The following DCDC1 variants were observed in gnomAD, a reference collection of about 807,000 sequenced individuals.
DCDC1 encodes the protein doublecortin domain-containing protein 1.
DCDC1 carries 200 observed loss-of-function variants against 178.3 expected under a neutral mutation model. The observed-to-expected ratio is 1.12, with a 90% CI of 1.00 to 1.26. DCDC1 has a LOEUF of 1.26. DCDC1 is among the 50% of genes most tolerant of loss of function. The pLI is 0.00. For synonymous variants in DCDC1, 690 were observed against 604.8 expected (o/e 1.14, Z -2.07); for missense variants, 1,983 against 1,749.2 (o/e 1.13, Z -2.38).
intron 3 of DCDC1, among the ~76,000 whole-genome samples, chr11:31,312,228 C>A (rs1183020956): frequency 1.3e-5 from 2 of 152,110 alleles, no homozygotes; most frequent in African/African-American, 2.4e-5. Context: ...ATGATAGTAA[C>A]AATACTAATA....
chr11:31,166,964 C>T (rs1379311077), intron 9 of DCDC1, among the ~76,000 whole-genome samples: 1 of 152,112 alleles, frequency 6.6e-6, no homozygotes, highest in African/African-American at 2.4e-5. Context: ...ATCCTTGGTA[C>T]CCCGAACTAA....
intron 7 of DCDC1, among the ~76,000 whole-genome samples, chr11:31,282,376 T>C (rs1050086295): frequency 7.3e-5 from 11 of 151,702 alleles, no homozygotes; most frequent in African/African-American, 2.7e-4. Context: ...GGGAGTTTAA[T>C]GTCTATCAAA....
intron 8 of DCDC1, among the ~76,000 whole-genome samples, chr11:31,259,037 T>G (rs759966428): frequency 6.6e-6 from 1 of 152,028 alleles, no homozygotes; most frequent in Non-Finnish European, 1.5e-5. Context: ...TGCCAGATGT[T>G]GCAAGAATGA....
intron 9 of DCDC1, among the ~76,000 whole-genome samples, chr11:31,221,656 C>T (rs143904702): frequency 0.013 from 1,919 of 152,264 alleles, 33 homozygotes; most frequent in Non-Finnish European, 0.017. Context: ...GCTGGCATAA[C>T]CCCATCTCCA....
intron 1 of DCDC1, among the ~76,000 whole-genome samples, chr11:31,347,970 T>G (rs1238743475): frequency 6.6e-6 from 1 of 152,182 alleles, no homozygotes; most frequent in Non-Finnish European, 1.5e-5. Flanking sequence ...TGTTTTTCCT[T>G]TCTATCAAAT....
intron 8 of DCDC1, among the ~76,000 whole-genome samples, chr11:31,248,346 C>T (rs1943728840): frequency 6.6e-6 from 1 of 151,952 alleles, no homozygotes; most frequent in African/African-American, 2.4e-5. Context: ...GGAATAAGAT[C>T]AATTACACAA....
intron 8 of DCDC1, among the ~76,000 whole-genome samples, chr11:31,256,152 T>TG (rs772646999): frequency 2.0e-5 from 3 of 152,354 alleles, no homozygotes; most frequent in Non-Finnish European, 2.9e-5. Flanking sequence ...GGTTTATTTC[T>TG]GGACTCTGAA....
intron 24 of DCDC1, 30 bp from the exon 25 acceptor site, chr11:30,920,965 A>G (rs761612190): frequency 2.5e-6 from 4 of 1,585,936 alleles, no homozygotes; most frequent in South Asian, 2.3e-5. Context: ...TTGCAAAGAC[A>G]TATTACTTAC....
At chr11:31,280,332 A>G (rs955145581) in intron 7 of DCDC1, among the ~76,000 whole-genome samples, 1 of 152,212 alleles carries the variant, frequency 6.6e-6, no homozygotes. Context: ...AACCAGTTAC[A>G]TACATCTAAA....
intron 20 of DCDC1, among the ~76,000 whole-genome samples, chr11:30,994,874 T>C (rs1565164131): frequency 6.7e-6 from 1 of 150,366 alleles, no homozygotes; most frequent in Non-Finnish European, 1.5e-5. Flanking sequence ...AAGACAAAGA[T>C]TTCATTTCTT....
chr11:31,155,308 T>G (rs961136433), intron 9 of DCDC1, among the ~76,000 whole-genome samples: 3 of 152,202 alleles, frequency 2.0e-5, no homozygotes, highest in Non-Finnish European at 4.4e-5. Context: ...AGAGGAGAGA[T>G]AATTTCTTGA....
intron 8 of DCDC1, among the ~76,000 whole-genome samples, chr11:31,253,106 C>T (rs1378152992): frequency 6.6e-6 from 1 of 152,070 alleles, no homozygotes; most frequent in African/African-American, 2.4e-5. Context: ...TCAGAGTGGT[C>T]AGTGAATCAT....
At chr11:31,255,164 C>G (rs943879840) in intron 8 of DCDC1, among the ~76,000 whole-genome samples, 5 of 152,312 alleles carry the variant, frequency 3.3e-5, no homozygotes, top group Admixed American at 3.3e-4. Context: ...TATGTATATA[C>G]TACCATTTGT....
At chr11:31,205,873 A>G (rs1400656254) in intron 9 of DCDC1, among the ~76,000 whole-genome samples, 1 of 152,238 alleles carries the variant, frequency 6.6e-6, no homozygotes, top group Non-Finnish European at 1.5e-5. Context: ...TCTGAATTTC[A>G]AATTTAACCG....
At chr11:31,331,121 AT>A (rs1352221489) in intron 2 of DCDC1, among the ~76,000 whole-genome samples, 2 of 152,096 alleles carry the variant, frequency 1.3e-5, no homozygotes, top group African/African-American at 4.8e-5. Flanking sequence ...TGTAAGCTGG[AT>A]TCCTAGGTAT....
At chr11:31,268,791 C>T (rs1945351715) in intron 7 of DCDC1, among the ~76,000 whole-genome samples, 1 of 152,162 alleles carries the variant, frequency 6.6e-6, no homozygotes. Context: ...GAGAAAACTC[C>T]TTACTGCTTT....
intron 29 of DCDC1, among the ~76,000 whole-genome samples, chr11:30,908,102 A>T (rs1378659256): frequency 6.6e-6 from 1 of 152,208 alleles, no homozygotes; most frequent in African/African-American, 2.4e-5. Context: ...ACATGAAATC[A>T]GGTTGTAAAC....
rs931774693 is a variant in DCDC1 at position 31,226,453 on chromosome 11, C to T, written c.1221+14997G>A. 2.6e-5 allele frequency among the ~76,000 whole-genome samples: 4 copies of T among 151,530 alleles called. No individual in the cohort carries two copies. The South Asian group carries it at 8.3e-4, about 31-fold the overall frequency. On this transcript the variant is annotated intron_variant, in intron 9 of 38. Coordinates refer to ENST00000684477, the MANE Select transcript of DCDC1 (RefSeq NM_001387274.1). ...ATTCAACAAACTGTAAGAAGGTAAA[C>T]CCCCGAATAAAAACACAAAAGACAC...
chr11:31,098,542 T>C (rs1015427753), intron 15 of DCDC1, among the ~76,000 whole-genome samples: 17 of 152,224 alleles, frequency 1.1e-4, no homozygotes, highest in African/African-American at 4.1e-4. Flanking sequence ...TAGGCACTGA[T>C]ATCTCTATCT....
Sources: allele counts gnomAD v4.1 joint callset (sites outside exome capture counted in the v4.1 genomes callset), GRCh38; gene constraint gnomAD v4.1.1; transcripts MANE v1.5; gene names NCBI Gene and HGNC (gene_info 2026-07-23, HGNC 2026-07-21).